CPM: variants seen among roughly 807,000 people sequenced by gnomAD.
CPM encodes renal carboxypeptidase.
Under a neutral mutation model 46.4 loss-of-function variants are expected in CPM, and 35 were observed. That is an observed-to-expected ratio of 0.75 (90% CI 0.58 to 1.00). CPM has a LOEUF of 1.00. Among genes scored for constraint, CPM ranks in the 50% least tolerant of loss-of-function variants. CPM has a pLI of 0.00. For synonymous variants in CPM, 195 were observed against 195.3 expected (o/e 1.00, Z 0.01); for missense variants, 422 against 530.4 (o/e 0.80, Z 2.01).
intron 2 of CPM, among the ~76,000 whole-genome samples, chr12:68,918,309 T>C (rs1432157578): frequency 6.6e-6 from 1 of 152,172 alleles, no homozygotes; most frequent in Non-Finnish European, 1.5e-5. Flanking sequence ...ATTTTATTAG[T>C]CCTGCAGGTT....
chr12:68,880,317 A>T (rs1356641753), intron 3 of CPM, among the ~76,000 whole-genome samples: 1 of 152,160 alleles, frequency 6.6e-6, no homozygotes, highest in Non-Finnish European at 1.5e-5. Context: ...AAATGAATAA[A>T]CATCGGTGAC....
At chr12:68,860,186 T>C (rs546727166) in intron 7 of CPM, among the ~76,000 whole-genome samples, 1 of 152,340 alleles carries the variant, frequency 6.6e-6, no homozygotes, top group African/African-American at 2.4e-5. Context: ...TCCTATTTAG[T>C]TCCTGACTCT....
At chr12:68,911,911 A>C (rs971796096) in intron 2 of CPM, 4 of 152,202 alleles carry the variant, frequency 2.6e-5, no homozygotes, top group Non-Finnish European at 5.9e-5. Context: ...ATTATTAAAC[A>C]GTCTTATTAT....
chr12:68,962,791 C>T (rs1189480625), intron 1 of CPM, among the ~76,000 whole-genome samples: 1 of 152,224 alleles, frequency 6.6e-6, no homozygotes. Flanking sequence ...CACGATAAAA[C>T]CTTCGTCTCC....
At chr12:68,866,821 G>T in intron 7 of CPM, 75 bp downstream of exon 7, 1 of 1,275,130 alleles carries the variant, frequency 7.8e-7, no homozygotes, top group Non-Finnish European at 1.1e-6. Flanking sequence ...AAAGGCTTGC[G>T]TTTAGTCAAC....
chr12:68,944,729 TA>T (rs397760811), intron 1 of CPM, among the ~76,000 whole-genome samples: 7 of 148,886 alleles, frequency 4.7e-5, no homozygotes, highest in African/African-American at 1.5e-4. Context: ...TTTTTTTTTT[TA>T]AATTACAATA....
intron 6 of CPM, 133 bp downstream of exon 6, chr12:68,869,192 A>G: frequency 1.5e-6 from 1 of 685,490 alleles, no homozygotes; most frequent in East Asian, 2.8e-5. Flanking sequence ...CTCTTATGAT[A>G]TTAGCTGATA....
intron 5 of CPM, 133 bp from the exon 6 acceptor site, chr12:68,869,628 A>G (rs922708105): frequency 2.3e-5 from 17 of 735,460 alleles, no homozygotes; most frequent in African/African-American, 5.4e-5. Context: ...TCCTTCATCC[A>G]CCTCCTCTAT....
At chr12:68,939,051 C>G (rs1888718225) in intron 1 of CPM, among the ~76,000 whole-genome samples, 1 of 146,206 alleles carries the variant, frequency 6.8e-6, no homozygotes, top group African/African-American at 2.5e-5. Flanking sequence ...TAAGTATATA[C>G]ATAGATATAT....
intron 2 of CPM, among the ~76,000 whole-genome samples, chr12:68,931,454 T>A (rs1021411101): frequency 6.6e-6 from 1 of 151,888 alleles, no homozygotes; most frequent in Non-Finnish European, 1.5e-5. Context: ...TAAGTAATAA[T>A]GGTATCTCGG....
intron 7 of CPM, 22 bp from the exon 8 acceptor site, chr12:68,859,093 A>G: frequency 7.3e-7 from 1 of 1,369,164 alleles, no homozygotes; most frequent in South Asian, 1.8e-5. Flanking sequence ...AAATAAAATT[A>G]AATATTAATA....
intron 2 of CPM, among the ~76,000 whole-genome samples, chr12:68,895,651 T>C (rs760690632): frequency 6.6e-6 from 1 of 152,184 alleles, no homozygotes; most frequent in Non-Finnish European, 1.5e-5. Context: ...CCATAAAATT[T>C]TGTGGAGGTG....
intron 6 of CPM, 79 bp downstream of exon 6, chr12:68,869,246 A>G: frequency 7.2e-7 from 1 of 1,383,648 alleles, no homozygotes; most frequent in Admixed American, 2.2e-5. Flanking sequence ...TCTTTTAACA[A>G]CTGCTGGATC....
intron 2 of CPM, among the ~76,000 whole-genome samples, chr12:68,901,180 T>A (rs990203009): frequency 6.6e-6 from 1 of 152,126 alleles, no homozygotes; most frequent in Non-Finnish European, 1.5e-5. Flanking sequence ...TTTGCCACAG[T>A]AGGTACAGCA....
Position 68,870,318 on chromosome 12 carries a change from A to G in CPM, c.513T>C (p.Thr171=), listed in dbSNP as rs137903237. The change falls in exon 5 of 9, where the codon ACT becomes ACC. Residue 171 remains threonine (T), a synonymous_variant. Coordinates refer to ENST00000551568, the MANE Select transcript of CPM (RefSeq NM_198320.5). ...TTTTCAGCCACTTCATGACTGCCAC[A>G]GTTTCAGGCTGCCTTGAGACATTAT... The part of the protein sequence containing the change: ...EYNNVSRQPE[T]VAVMKWLKTE... 2.2e-4 allele frequency: 362 copies of G among 1,614,224 alleles called. 1 individual carries two copies. Among genetic ancestry groups the G allele is most frequent in the Non-Finnish European group, 5.2e-5 (61 of 1,180,034 alleles).
chr12:68,961,170 G>T (rs745706610), intron 1 of CPM, among the ~76,000 whole-genome samples: 3 of 152,048 alleles, frequency 2.0e-5, no homozygotes, highest in Non-Finnish European at 1.5e-5. Flanking sequence ...TTTTTTTTGA[G>T]ACAGAGTCTT....
At chr12:68,895,404 T>C (rs1592670866) in intron 2 of CPM, among the ~76,000 whole-genome samples, 1 of 152,108 alleles carries the variant, frequency 6.6e-6, no homozygotes, top group Non-Finnish European at 1.5e-5. Context: ...GGAGGGAAGG[T>C]GACAGGGAGC....
intron 2 of CPM, among the ~76,000 whole-genome samples, chr12:68,912,687 T>A (rs1423292792): frequency 2.0e-5 from 3 of 152,178 alleles, no homozygotes; most frequent in Non-Finnish European, 4.4e-5. Flanking sequence ...TCTACTCCTT[T>A]AACTTACTCT....
At chr12:68,917,376 T>C (rs138940820) in intron 2 of CPM, among the ~76,000 whole-genome samples, 134 of 152,340 alleles carry the variant, frequency 8.8e-4, no homozygotes, top group Middle Eastern at 6.8e-3. Flanking sequence ...TGCCATGAAC[T>C]ATATTAGGCA....
Sources: allele counts gnomAD v4.1 joint callset (sites outside exome capture counted in the v4.1 genomes callset), GRCh38; gene constraint gnomAD v4.1.1; transcripts MANE v1.5; gene names NCBI Gene and HGNC (gene_info 2026-07-23, HGNC 2026-07-21).